Variants in KCTD3 observed in about 807,000 individuals in gnomAD.
KCTD3 encodes potassium channel tetramerization domain containing 3, also known as BTB/POZ domain-containing protein KCTD3.
In KCTD3, 41 loss-of-function variants were observed where a neutral mutation model predicts 85.8. The observed-to-expected ratio is 0.48, with a 90% CI of 0.37 to 0.62. The LOEUF is 0.62. Ranked by LOEUF, KCTD3 falls within the 20% of genes least tolerant of loss-of-function variation. The probability of loss-of-function intolerance (pLI) is 0.00; values close to 1 mark genes in which losing one functional copy is unlikely to be tolerated. For missense variants in KCTD3, 724 were observed against 989.9 expected, an observed-to-expected ratio of 0.73 and a Z score of 3.60; for synonymous variants, 338 against 345.4, an observed-to-expected ratio of 0.98 and a Z score of 0.24.
In KCTD3 at chr1:215,604,244, C is replaced by T. The variant is rs780198515; in HGVS notation, c.1251C>T (p.Phe417=). The T allele has an allele frequency of 1.2e-6, 2 of 1,613,956 alleles. No homozygotes were observed. Among genetic ancestry groups the T allele is most frequent in the Non-Finnish European group, 1.7e-6 (2 of 1,179,886 alleles). The change falls in exon 13 of 18, where the codon TTC becomes TTT. Residue 417 remains phenylalanine, a synonymous_variant. Coordinates refer to ENST00000259154, the MANE Select transcript of KCTD3 (RefSeq NM_016121.5). ...CAGGTCCTCAGCTTTTTCAGACTTT[C>T]ACAGTTCACCGAAGTCCCGTAACAA... is the stretch of plus-strand genomic sequence containing the variant. ...VGSGPQLFQT[F]TVHRSPVTKI...
At position 215,620,948 on chromosome 1, in the gene KCTD3, A is replaced by G. The variant is rs1433703159; in HGVS notation, c.*330A>G. Reference sequence around the variant, plus strand: ...ATATAGGTGAGCATCCCTTTAGATCATGGGAACCAGCAGACTGCATTCCTA... The same window carrying G: ...ATATAGGTGAGCATCCCTTTAGATCGTGGGAACCAGCAGACTGCATTCCTA... On this transcript the variant is annotated 3_prime_UTR_variant, in exon 18 of 18. Transcript: ENST00000259154. 6 of 290,456 alleles carry G rather than the reference A, an allele frequency of 2.1e-5. No homozygotes were observed. Among genetic ancestry groups the G allele is most frequent in the Non-Finnish European group, 3.8e-5 (6 of 157,970 alleles). 18.0% of individuals were successfully genotyped at this position (290,456 alleles called of 1,614,324 possible).
chr1:215,607,473 A>G (rs1655075118), intron 13 of KCTD3, among the ~76,000 whole-genome samples: 1 of 152,010 alleles, frequency 6.6e-6, no homozygotes, highest in South Asian at 2.1e-4. Context: ...TTTTTTAAAT[A>G]CAGACTTTAT....
chr1:215,608,440 AACT>A (rs10612474), intron 14 of KCTD3, among the ~76,000 whole-genome samples: 3,857 of 152,018 alleles, frequency 0.025, 156 homozygotes, highest in African/African-American at 0.087. Flanking sequence ...TTCACATGTT[AACT>A]ACTTTTATTT....
rs75651965 is a variant in KCTD3 at position 215,619,193 on chromosome 1, C to G, written c.1788C>G (p.Leu596=). 14,275 of 1,613,666 alleles carry G rather than the reference C, an allele frequency of 8.8e-3. 367 individuals are homozygous for G. Among genetic ancestry groups the G allele is most frequent in the South Asian group, 0.068 (6,232 of 91,038 alleles). ...GPTEEELLKL[L]DQCDLSTSRC... ...CCGAAGAAGAGCTACTCAAATTACT[C>G]GATCAATGTGATTTGAGCACATCTC... Residue 596 remains leucine (L), a synonymous_variant, in exon 17 of 18, where the codon CTC becomes CTG. Transcript: ENST00000259154.
intron 14 of KCTD3, among the ~76,000 whole-genome samples, chr1:215,610,688 G>A (rs1655197840): frequency 6.6e-6 from 1 of 151,966 alleles, no homozygotes; most frequent in South Asian, 2.1e-4. Flanking sequence ...ATACTGAAGA[G>A]CCAGACAGGT....
intron 10 of KCTD3, among the ~76,000 whole-genome samples, chr1:215,597,877 G>C (rs1654666717): frequency 6.6e-6 from 1 of 152,030 alleles, no homozygotes; most frequent in Non-Finnish European, 1.5e-5. Flanking sequence ...CCCACATTTT[G>C]TTGGGGAGAG....
intron 8 of KCTD3, among the ~76,000 whole-genome samples, chr1:215,583,224 TAC>T (rs1443312825): frequency 2.0e-5 from 3 of 152,142 alleles, no homozygotes; most frequent in African/African-American, 7.2e-5. Flanking sequence ...TGAGTATACT[TAC>T]AGTTATTTCT....
intron 8 of KCTD3, 89 bp downstream of exon 8, chr1:215,580,088 T>C: frequency 1.2e-6 from 1 of 845,772 alleles, no homozygotes; most frequent in Non-Finnish European, 1.9e-6. Context: ...AAAGCTATTT[T>C]TTTTTAGTCA....
Position 215,601,881 on chromosome 1 carries a change from T to A in KCTD3, c.948T>A (p.Val316=). The A allele has an allele frequency of 3.8e-6, 6 of 1,579,746 alleles. No homozygotes were observed. The highest frequency in any genetic ancestry group is 5.2e-6 in the Non-Finnish European group (6 of 1,150,028). The change falls in exon 11 of 18, where the codon GTT becomes GTA. Residue 316 remains valine, a synonymous_variant. Transcript: ENST00000259154. ...CACTACATCAGGTTCAAGATGTTGT[T>A]CCTATAACTAGTTATGACACTGCTG... is the stretch of plus-strand genomic sequence containing the variant. ...VTQHWQVQDV[V]PITSYDTAGS...
rs553489264 is a variant in KCTD3 at position 215,621,570 on chromosome 1, G to A, written c.*952G>A. ...TTTTGAATTGTAAGAGCAAAAGAACGTTTTTGTACAATTTTTTTTCATTTA... is the reference window on the plus strand; with the variant it reads ...TTTTGAATTGTAAGAGCAAAAGAACATTTTTGTACAATTTTTTTTCATTTA... On this transcript the variant is annotated 3_prime_UTR_variant, in exon 18 of 18. Coordinates refer to ENST00000259154, the MANE Select transcript of KCTD3 (RefSeq NM_016121.5). The A allele has an allele frequency of 6.6e-5, 10 of 152,496 alleles. No individual in the cohort carries two copies. The highest frequency in any genetic ancestry group is 6.2e-4 in the South Asian group (3 of 4,822). 9.4% of individuals were successfully genotyped at this position (152,496 alleles called of 1,614,324 possible). A position where few individuals can be genotyped will look rare whatever the true frequency, so the allele number is the denominator to read the frequency against.
At chr1:215,588,510 G>T (rs1056675933) in intron 9 of KCTD3, among the ~76,000 whole-genome samples, 1 of 151,960 alleles carries the variant, frequency 6.6e-6, no homozygotes, top group African/African-American at 2.4e-5. Flanking sequence ...AAAGTTTAGT[G>T]CCACTGTCCT....
intron 1 of KCTD3, among the ~76,000 whole-genome samples, chr1:215,568,474 T>C (rs1659231789): frequency 8.4e-6 from 1 of 119,502 alleles, no homozygotes; most frequent in Non-Finnish European, 1.8e-5. Context: ...CTGTTCTCTT[T>C]CTGGCCTTCC....
chr1:215,601,125 CAG>C (rs937038238), intron 10 of KCTD3, among the ~76,000 whole-genome samples: 3 of 152,148 alleles, frequency 2.0e-5, no homozygotes, highest in Non-Finnish European at 2.9e-5. Flanking sequence ...TTAGTAGAGA[CAG>C]GGTTTCACCG....
chr1:215,574,391 TA>T (rs1426434981), intron 3 of KCTD3, among the ~76,000 whole-genome samples: 1 of 152,170 alleles, frequency 6.6e-6, no homozygotes, highest in Non-Finnish European at 1.5e-5. Context: ...TTTAGATCAA[TA>T]ATTGAAACTT....
At chr1:215,591,727 C>T (rs771906182) in intron 9 of KCTD3, among the ~76,000 whole-genome samples, 6 of 152,278 alleles carry the variant, frequency 3.9e-5, no homozygotes, top group East Asian at 1.9e-4. Flanking sequence ...CTTAGGGAAA[C>T]GCTTATGCAA....
intron 9 of KCTD3, among the ~76,000 whole-genome samples, chr1:215,593,516 A>G (rs1336097723): frequency 6.6e-6 from 1 of 152,218 alleles, no homozygotes; most frequent in Non-Finnish European, 1.5e-5. Context: ...GAACAAAAAG[A>G]GAATACCTAG....
chr1:215,571,415 G>A (rs534751369), intron 1 of KCTD3, among the ~76,000 whole-genome samples: 4 of 152,258 alleles, frequency 2.6e-5, no homozygotes, highest in African/African-American at 4.8e-5. Flanking sequence ...ATAAATGGGC[G>A]TAGGAACTGC....
chr1:215,611,530 T>G (rs928040664), intron 14 of KCTD3, among the ~76,000 whole-genome samples: 9 of 152,004 alleles, frequency 5.9e-5, no homozygotes, highest in African/African-American at 2.2e-4. Flanking sequence ...TCTTAACAGG[T>G]CTCCTGCTAG....
chr1:215,573,247 A>G (rs891549086), intron 1 of KCTD3, among the ~76,000 whole-genome samples: 1 of 152,218 alleles, frequency 6.6e-6, no homozygotes, highest in African/African-American at 2.4e-5. Flanking sequence ...GGATATTTAG[A>G]AAAACTATTA....
Sources: gnomAD v4.1 joint callset for allele counts (sites outside exome capture counted in the v4.1 genomes callset) on GRCh38, gnomAD v4.1.1 for gene constraint, MANE v1.5 for transcripts, NCBI Gene and HGNC (gene_info 2026-07-23, HGNC 2026-07-21) for gene names.